SLIT3: variants seen among roughly 807,000 people sequenced by gnomAD.
The protein encoded by SLIT3 is slit guidance ligand 3, also known as slit homolog 3 protein.
In SLIT3, 68 loss-of-function variants were observed where a neutral mutation model predicts 184.0. The ratio of observed to expected loss-of-function variants is 0.37; its 90% CI spans 0.30 to 0.45. The LOEUF (loss-of-function observed/expected upper bound fraction) is 0.45, where lower values mean the gene tolerates loss of function less well. Ranked by LOEUF, SLIT3 falls within the 20% of genes least tolerant of loss-of-function variation. The pLI is 1.00. For missense variants in SLIT3, 1,707 were observed against 2,026.0 expected, an observed-to-expected ratio of 0.84 and a Z score of 3.02; for synonymous variants, 831 against 828.6, an observed-to-expected ratio of 1.00 and a Z score of -0.05.
intron 4 of SLIT3, among the ~76,000 whole-genome samples, chr5:169,064,366 T>C (rs1317713036): frequency 6.6e-6 from 1 of 152,216 alleles, no homozygotes; most frequent in Non-Finnish European, 1.5e-5. Flanking sequence ...ATAAAAGCAA[T>C]GGCGGTCACA....
intron 4 of SLIT3, among the ~76,000 whole-genome samples, chr5:168,944,134 T>G (rs962586842): frequency 6.6e-6 from 1 of 152,180 alleles, no homozygotes; most frequent in Non-Finnish European, 1.5e-5. Flanking sequence ...TCAAAGTAAT[T>G]GGATAACGGC....
intron 4 of SLIT3, among the ~76,000 whole-genome samples, chr5:168,886,430 A>G (rs1561987870): frequency 6.6e-6 from 1 of 152,202 alleles, no homozygotes; most frequent in Admixed American, 6.5e-5. Flanking sequence ...GCTATCATTA[A>G]GTACTATCCT....
chr5:169,116,685 T>C (rs1455000006), intron 4 of SLIT3, among the ~76,000 whole-genome samples: 1 of 152,196 alleles, frequency 6.6e-6, no homozygotes, highest in African/African-American at 2.4e-5. Flanking sequence ...CTACCACAAG[T>C]GTTTCTTCCC....
At chr5:169,146,508 C>A (rs1761931370) in intron 4 of SLIT3, among the ~76,000 whole-genome samples, 1 of 152,204 alleles carries the variant, frequency 6.6e-6, no homozygotes, top group Non-Finnish European at 1.5e-5. Context: ...GTTCAAGGCC[C>A]TTCACAAGCC....
At chr5:169,006,578 T>TTCTCTCTCTCTC (rs369079733) in intron 4 of SLIT3, among the ~76,000 whole-genome samples, 24 of 140,212 alleles carry the variant, frequency 1.7e-4, no homozygotes, top group African/African-American at 6.2e-4. Context: ...TTTCCCCCTC[T>TTCTCTCTCTCTC]TCTCTCTCTC....
At chr5:168,912,371 G>A (rs1320503374) in intron 4 of SLIT3, among the ~76,000 whole-genome samples, 3 of 152,166 alleles carry the variant, frequency 2.0e-5, no homozygotes, top group African/African-American at 4.8e-5. Context: ...TTTCTACTGT[G>A]CAGGAGGGAG....
At chr5:168,684,481 T>C (rs965503809) in intron 31 of SLIT3, among the ~76,000 whole-genome samples, 2 of 152,226 alleles carry the variant, frequency 1.3e-5, no homozygotes, top group Non-Finnish European at 2.9e-5. Flanking sequence ...CTTATTTATT[T>C]ATTTATTTAT....
At chr5:169,025,768 G>A (rs547756674) in intron 4 of SLIT3, among the ~76,000 whole-genome samples, 5 of 152,288 alleles carry the variant, frequency 3.3e-5, no homozygotes, top group African/African-American at 9.6e-5. Flanking sequence ...TCACCATGGT[G>A]ATAGTTCATC....
chr5:168,799,006 G>A (rs1756672905), intron 9 of SLIT3, among the ~76,000 whole-genome samples: 1 of 152,162 alleles, frequency 6.6e-6, no homozygotes, highest in South Asian at 2.1e-4. Flanking sequence ...CAATCACCAG[G>A]CTTTGCTGAA....
intron 7 of SLIT3, among the ~76,000 whole-genome samples, chr5:168,821,115 C>A (rs1289803161): frequency 6.6e-6 from 1 of 152,138 alleles, no homozygotes; most frequent in Non-Finnish European, 1.5e-5. Context: ...TTGATCTGAA[C>A]TCATCAGATG....
intron 4 of SLIT3, among the ~76,000 whole-genome samples, chr5:169,067,835 G>T (rs149007337): frequency 1.1e-3 from 167 of 152,304 alleles, no homozygotes; most frequent in Non-Finnish European, 1.6e-3. Context: ...TAGCTGCTCT[G>T]CTATGCACAG....
chr5:169,180,034 A>T (rs1763107297), intron 4 of SLIT3, among the ~76,000 whole-genome samples: 1 of 152,210 alleles, frequency 6.6e-6, no homozygotes, highest in South Asian at 2.1e-4. Flanking sequence ...AGGTAGTGAT[A>T]AGTGCTATGA....
At chr5:168,774,208 C>T (rs1167372142) in intron 13 of SLIT3, 27 bp downstream of exon 13, 1 of 1,571,454 alleles carries the variant, frequency 6.4e-7, no homozygotes, top group Non-Finnish European at 8.6e-7. Context: ...CTTGGGCACC[C>T]ACTGGCACCC....
At chr5:169,087,814 T>C (rs1007712792) in intron 4 of SLIT3, among the ~76,000 whole-genome samples, 1 of 152,248 alleles carries the variant, frequency 6.6e-6, no homozygotes, top group African/African-American at 2.4e-5. Flanking sequence ...TTTTTTCCTT[T>C]CTTTATACTT....
chr5:168,840,672 C>A (rs76917517), intron 6 of SLIT3, among the ~76,000 whole-genome samples: 55,733 of 151,536 alleles, frequency 0.37, 12,356 homozygotes, highest in African/African-American at 0.63. Flanking sequence ...ATGCGAATTA[C>A]CAAAAGCATA....
chr5:168,736,542 C>T (rs962505041), intron 20 of SLIT3, among the ~76,000 whole-genome samples: 20 of 152,212 alleles, frequency 1.3e-4, no homozygotes, highest in African/African-American at 4.1e-4. Context: ...AGGCTCTTCT[C>T]GGGCAGCAGC....
chr5:169,138,969 C>A (rs1302504208), intron 4 of SLIT3, among the ~76,000 whole-genome samples: 1 of 152,240 alleles, frequency 6.6e-6, no homozygotes, highest in African/African-American at 2.4e-5. Flanking sequence ...CATCCAGCCC[C>A]ACTGCTCCAG....
intron 5 of SLIT3, among the ~76,000 whole-genome samples, chr5:168,861,615 T>C (rs149068234): frequency 3.9e-5 from 6 of 152,316 alleles, no homozygotes; most frequent in African/African-American, 1.4e-4. Flanking sequence ...CTTGACTGTC[T>C]ACCAAGAAGA....
chr5:169,061,587 A>T (rs1283328462), intron 4 of SLIT3, among the ~76,000 whole-genome samples: 1 of 151,998 alleles, frequency 6.6e-6, no homozygotes, highest in African/African-American at 2.4e-5. Context: ...GCCCATCTCT[A>T]CCTGACCTTA....
Sources: gnomAD v4.1 joint callset for allele counts (sites outside exome capture counted in the v4.1 genomes callset) on GRCh38, gnomAD v4.1.1 for gene constraint, MANE v1.5 for transcripts, NCBI Gene and HGNC (gene_info 2026-07-23, HGNC 2026-07-21) for gene names.